Variants in IGF1R observed in about 807,000 individuals in gnomAD.
IGF1R encodes insulin like growth factor 1 receptor.
Under a neutral mutation model 144.6 loss-of-function variants are expected in IGF1R, and 44 were observed. The ratio of observed to expected loss-of-function variants is 0.30; its 90% CI spans 0.24 to 0.39. The LOEUF (loss-of-function observed/expected upper bound fraction) is 0.39. Among genes scored for constraint, IGF1R ranks in the 10% least tolerant of loss-of-function variants. The pLI is 1.00. For synonymous variants in IGF1R, 795 were observed against 722.8 expected (o/e 1.10, Z -1.60); for missense variants, 1,355 against 1,833.7 (o/e 0.74, Z 4.77).
intron 14 of IGF1R, 32 bp from the exon 15 acceptor site, chr15:98,930,203 T>C (rs1389030911): frequency 6.6e-7 from 1 of 1,516,420 alleles, no homozygotes; most frequent in East Asian, 2.3e-5. Flanking sequence ...GGAGGTGGGG[T>C]TTTGTTAACG....
intron 2 of IGF1R, among the ~76,000 whole-genome samples, chr15:98,715,817 C>T (rs982463906): frequency 3.3e-5 from 5 of 152,258 alleles, no homozygotes; most frequent in South Asian, 4.1e-4. Context: ...TTGGAGGTAG[C>T]GAGAGACAGC....
intron 2 of IGF1R, among the ~76,000 whole-genome samples, chr15:98,733,217 T>A (rs2054534792): frequency 6.6e-6 from 1 of 152,120 alleles, no homozygotes; most frequent in African/African-American, 2.4e-5. Context: ...GGGCTCAGGT[T>A]CTTCCTGGGC....
intron 1 of IGF1R, among the ~76,000 whole-genome samples, chr15:98,676,489 A>G (rs2053049901): frequency 2.0e-5 from 3 of 152,112 alleles, no homozygotes; most frequent in Non-Finnish European, 4.4e-5. Context: ...TGTTTGTGGT[A>G]AAATCATTTT....
intron 10 of IGF1R, among the ~76,000 whole-genome samples, chr15:98,917,288 G>A (rs1390035476): frequency 6.6e-6 from 1 of 152,214 alleles, no homozygotes; most frequent in African/African-American, 2.4e-5. Flanking sequence ...CCTCACAGAG[G>A]AGGAGTGAAG....
rs998487135 is a variant in IGF1R at position 98,727,680 on chromosome 15, G to A, written c.640+19573G>A. Among the ~76,000 whole-genome samples, 216 of 152,344 alleles carry A rather than the reference G, an allele frequency of 1.4e-3. 1 individual carries two copies. The highest frequency in any genetic ancestry group is 5.0e-3 in the African/African-American group (207 of 41,576). ...TTATACCCAGGGGCTGGAGGGCAGA[G>A]AGCAGGTCTTCTTCTGCTGGTCGGG... On this transcript the variant is annotated intron_variant, in intron 2 of 20. Transcript: ENST00000650285.
At chr15:98,773,733 C>T (rs2055647079) in intron 2 of IGF1R, among the ~76,000 whole-genome samples, 1 of 152,192 alleles carries the variant, frequency 6.6e-6, no homozygotes. Context: ...AGGTTGGTCC[C>T]TTAGAACGCT....
chr15:98,826,082 T>A (rs73479802), intron 2 of IGF1R, among the ~76,000 whole-genome samples: 3,226 of 152,322 alleles, frequency 0.021, 124 homozygotes, highest in African/African-American at 0.073. Context: ...GCCTGCCATG[T>A]TAAATGCCCA....
chr15:98,909,086 A>G (rs1054700545), intron 6 of IGF1R, among the ~76,000 whole-genome samples, 187 bp downstream of exon 6: 1 of 152,114 alleles, frequency 6.6e-6, no homozygotes, highest in South Asian at 2.1e-4. Flanking sequence ...CAGATACGTG[A>G]TGTATTCGTA....
intron 2 of IGF1R, among the ~76,000 whole-genome samples, chr15:98,726,464 C>T (rs2054362348): frequency 6.6e-6 from 1 of 152,156 alleles, no homozygotes; most frequent in African/African-American, 2.4e-5. Context: ...TCCACATCTG[C>T]CTAGTTCTTA....
intron 1 of IGF1R, among the ~76,000 whole-genome samples, chr15:98,699,678 G>A (rs2053679048): frequency 1.3e-5 from 2 of 152,182 alleles, no homozygotes; most frequent in Admixed American, 1.3e-4. Flanking sequence ...CTTAAGTGGC[G>A]TGGCAGGATA....
Position 98,961,515 on chromosome 15 carries a change from C to G in IGF1R, c.*4073C>G, listed in dbSNP as rs1366420955. 2.6e-5 allele frequency: 6 copies of G among 233,492 alleles called. No homozygotes were observed. Among genetic ancestry groups the G allele is most frequent in the Non-Finnish European group, 8.5e-6 (1 of 118,044 alleles). The allele number at this position is 233,492 out of a possible 1,614,324, so 14.5% of individuals were successfully genotyped here. A position where few individuals can be genotyped will look rare whatever the true frequency, so the allele number is the denominator to read the frequency against. ...TCCACAGTTCTAGCCTAACTTCATG[C>G]TGATTTCTCTGCCTCTTGATTTTTC... On this transcript the variant is annotated 3_prime_UTR_variant, in exon 21 of 21. Transcript: ENST00000650285.
intron 3 of IGF1R, chr15:98,893,421 G>T (rs2014025856): frequency 6.6e-6 from 1 of 152,214 alleles, no homozygotes. Flanking sequence ...ATGAGCTGTA[G>T]AGGATACATA....
intron 2 of IGF1R, among the ~76,000 whole-genome samples, chr15:98,886,422 C>T (rs893386463): frequency 1.3e-5 from 2 of 152,046 alleles, no homozygotes; most frequent in Non-Finnish European, 2.9e-5. Flanking sequence ...TTAGATGGGC[C>T]TTTGTTTTTA....
At chr15:98,740,798 T>C (rs2054720640) in intron 2 of IGF1R, among the ~76,000 whole-genome samples, 2 of 152,312 alleles carry the variant, frequency 1.3e-5, no homozygotes, top group South Asian at 4.1e-4. Context: ...GGTGGCTGGC[T>C]TAGGAAATGC....
At chr15:98,683,095 G>C (rs1184491491) in intron 1 of IGF1R, among the ~76,000 whole-genome samples, 3 of 151,164 alleles carry the variant, frequency 2.0e-5, no homozygotes, top group Admixed American at 2.0e-4. Flanking sequence ...GTGGTTATAG[G>C]GATTCTTTAA....
At chr15:98,841,057 G>A (rs1312593898) in intron 2 of IGF1R, among the ~76,000 whole-genome samples, 1 of 151,958 alleles carries the variant, frequency 6.6e-6, no homozygotes, top group Admixed American at 6.5e-5. Flanking sequence ...CACCGCATCT[G>A]GTCTCTAAGT....
At chr15:98,701,900 C>T (rs942313773) in intron 1 of IGF1R, among the ~76,000 whole-genome samples, 1 of 152,200 alleles carries the variant, frequency 6.6e-6, no homozygotes, top group East Asian at 1.9e-4. Flanking sequence ...TTACCTGATT[C>T]TTATGCCAGC....
intron 20 of IGF1R, among the ~76,000 whole-genome samples, chr15:98,949,753 CAG>C (rs1184835589): frequency 6.6e-6 from 1 of 152,204 alleles, no homozygotes. Context: ...TGATGCCTCA[CAG>C]TGTTGGTGAG....
rs1230988721 is a variant in IGF1R, at chr15:98,963,625, CATG to C, written c.*6189_*6191del. On this transcript the variant is annotated 3_prime_UTR_variant, in exon 21 of 21. Coordinates refer to ENST00000650285, the MANE Select transcript of IGF1R (RefSeq NM_000875.5). ...ACTTGACTGCACAGCCAATGGTTTT[CATG>C]ATGATTACAGCATACACAGTGATCA... 1.3e-5 allele frequency: 3 copies of C among 233,142 alleles called. No homozygotes were observed. Among genetic ancestry groups the C allele is most frequent in the African/African-American group, 4.4e-5 (2 of 45,330 alleles). The allele number at this position is 233,142 out of a possible 1,614,324, so 14.4% of individuals were successfully genotyped here. A position where few individuals can be genotyped will look rare whatever the true frequency, so the allele number is the denominator to read the frequency against.
Sources: allele counts gnomAD v4.1 joint callset (sites outside exome capture counted in the v4.1 genomes callset), GRCh38; gene constraint gnomAD v4.1.1; transcripts MANE v1.5; gene names NCBI Gene and HGNC (gene_info 2026-07-23, HGNC 2026-07-21).